The following PXYLP1 variants were observed in gnomAD, a reference collection of about 807,000 sequenced individuals.
PXYLP1 encodes the protein 2-phosphoxylose phosphatase 1.
Under a neutral mutation model 37.9 loss-of-function variants are expected in PXYLP1, and 17 were observed. The ratio of observed to expected loss-of-function variants is 0.45; its 90% CI spans 0.31 to 0.67. The LOEUF (loss-of-function observed/expected upper bound fraction) is 0.67, where lower values mean the gene tolerates loss of function less well. Among genes scored for constraint, PXYLP1 ranks in the 30% least tolerant of loss-of-function variants. The pLI, the probability that PXYLP1 is intolerant of heterozygous loss-of-function variation, is 0.07. For synonymous variants in PXYLP1, 221 were observed against 232.2 expected (o/e 0.95, Z 0.44); for missense variants, 511 against 612.0 (o/e 0.84, Z 1.74).
intron 1 of PXYLP1, among the ~76,000 whole-genome samples, chr3:141,232,768 G>T (rs1940557768): frequency 6.6e-6 from 1 of 152,250 alleles, no homozygotes; most frequent in Non-Finnish European, 1.5e-5. Flanking sequence ...GATGGTAAAG[G>T]ATTCACGGTG....
chr3:141,273,717 G>A (rs1048115467), intron 2 of PXYLP1: 20 of 985,258 alleles, frequency 2.0e-5, no homozygotes, highest in South Asian at 4.7e-5. Flanking sequence ...GAAAGTGATC[G>A]TAGATGAGAT....
At chr3:141,269,215 T>C (rs545257439) in intron 2 of PXYLP1, among the ~76,000 whole-genome samples, 3 of 152,352 alleles carry the variant, frequency 2.0e-5, no homozygotes, top group East Asian at 3.9e-4. Flanking sequence ...TTGCAGACCT[T>C]TGAGACACAG....
Position 141,292,931 on chromosome 3 carries a change from G to T in PXYLP1, c.1169G>T (p.Gly390Val). ...CTGTCACCAGTTCTCAGTGCCTTGGGCCTTTCAGAAGCCAGGTTCCCAAGG... is the reference window on the plus strand; with the variant it reads ...CTGTCACCAGTTCTCAGTGCCTTGGTCCTTTCAGAAGCCAGGTTCCCAAGG... ...VTLSPVLSAL[G>V]LSEARFPRFA... Residue 390 changes from glycine (G) to valine (V), a missense_variant, in exon 6 of 6, where the codon GGC becomes GTC. Coordinates refer to ENST00000286353, the MANE Select transcript of PXYLP1 (RefSeq NM_001037172.3). The surrounding 1 kb of genome is among the most constrained non-coding windows in gnomAD (Gnocchi z 4.3). 6.2e-7 allele frequency: 1 copy of T among 1,614,100 alleles called. No homozygotes were observed. The highest frequency in any genetic ancestry group is 8.5e-7 in the Non-Finnish European group (1 of 1,180,014).
chr3:141,243,795 A>G (rs1383027595), intron 1 of PXYLP1, among the ~76,000 whole-genome samples: 1 of 152,258 alleles, frequency 6.6e-6, no homozygotes, highest in African/African-American at 2.4e-5. Flanking sequence ...ATTCCACATC[A>G]GATTCCATGT....
intron 2 of PXYLP1, among the ~76,000 whole-genome samples, chr3:141,263,732 T>C (rs903286299): frequency 6.6e-6 from 1 of 152,228 alleles, no homozygotes; most frequent in Non-Finnish European, 1.5e-5. Context: ...GAATCATAAT[T>C]TGAATGTCAG....
intron 1 of PXYLP1, among the ~76,000 whole-genome samples, chr3:141,234,654 G>T (rs1940616546): frequency 6.6e-6 from 1 of 152,214 alleles, no homozygotes; most frequent in Admixed American, 6.5e-5. Flanking sequence ...TCTTGGAGGT[G>T]GCTATAACCC....
chr3:141,265,093 A>T (rs968397166), intron 2 of PXYLP1, among the ~76,000 whole-genome samples: 1 of 152,174 alleles, frequency 6.6e-6, no homozygotes, highest in South Asian at 2.1e-4. Context: ...CTCCTGGCCA[A>T]ATGTGCAAAG....
At chr3:141,289,619 C>T (rs529566914) in intron 5 of PXYLP1, among the ~76,000 whole-genome samples, 2 of 152,176 alleles carry the variant, frequency 1.3e-5, no homozygotes, top group South Asian at 4.1e-4. Context: ...GTGACCAGAC[C>T]TCTAGAGACT....
chr3:141,268,102 T>C (rs1161248714), intron 2 of PXYLP1, among the ~76,000 whole-genome samples: 1 of 151,784 alleles, frequency 6.6e-6, no homozygotes, highest in Non-Finnish European at 1.5e-5. Context: ...CTGTCTCTAT[T>C]GACTTGGAAG....
At position 141,279,512 on chromosome 3, in the gene PXYLP1, G is replaced by A; in HGVS notation, c.365+8G>A. The A allele has an allele frequency of 6.2e-7, 1 of 1,614,116 alleles. No individual in the cohort carries two copies. Among genetic ancestry groups the A allele is most frequent in the South Asian group, 1.1e-5 (1 of 91,064 alleles). On this transcript the variant is annotated splice_region_variant and intron_variant, in intron 4 of 5. Coordinates refer to ENST00000286353, the MANE Select transcript of PXYLP1 (RefSeq NM_001037172.3). The stretch of plus-strand genomic sequence containing the variant: ...CACTCTGGTGGCTAACAGGTAAATT[G>A]CACTTTTTCTAAAAGTCATTTTCAA...
intron 1 of PXYLP1, chr3:141,234,223 A>C (rs1385397260): frequency 3.3e-5 from 5 of 152,070 alleles, no homozygotes; most frequent in Admixed American, 1.3e-4. Context: ...CAGTGAGTGC[A>C]ATCTACGGAT....
intron 4 of PXYLP1, among the ~76,000 whole-genome samples, chr3:141,282,658 A>C (rs1941981964): frequency 6.6e-6 from 1 of 152,202 alleles, no homozygotes; most frequent in Admixed American, 6.5e-5. Context: ...GGTGTGATTA[A>C]ATGTTTGTTG....
Position 141,292,800 on chromosome 3 carries a change from C to G in PXYLP1, c.1038C>G (p.Leu346=). 6.2e-7 allele frequency: 1 copy of G among 1,613,572 alleles called. No individual in the cohort carries two copies. The highest frequency in any genetic ancestry group is 8.5e-7 in the Non-Finnish European group (1 of 1,179,736). ...AGAAATTGTACTTCGGGTATTCTCTCCTGGGTGCCCACCCCATCCTGAACC... is the reference window on the plus strand; with the variant it reads ...AGAAATTGTACTTCGGGTATTCTCTGCTGGGTGCCCACCCCATCCTGAACC... The part of the protein sequence containing the change: ...REKKLYFGYS[L]LGAHPILNQT... Residue 346 remains leucine, a synonymous_variant, in exon 6 of 6, where the codon CTC becomes CTG. Coordinates refer to ENST00000286353, the MANE Select transcript of PXYLP1 (RefSeq NM_001037172.3). The surrounding 1 kb of genome is among the most constrained non-coding windows in gnomAD (Gnocchi z 4.3).
rs914150932 is a variant in PXYLP1 at position 141,249,934 on chromosome 3, C to A, written c.-53-10189C>A. Reference sequence around the variant, plus strand: ...TCTGGCCCTGAGAAATGATCAGATGCCTTGACAAGTTTATCCTTTGTAGAG... The same window carrying A: ...TCTGGCCCTGAGAAATGATCAGATGACTTGACAAGTTTATCCTTTGTAGAG... On this transcript the variant is annotated intron_variant, in intron 1 of 5. Coordinates refer to ENST00000286353, the MANE Select transcript of PXYLP1 (RefSeq NM_001037172.3). Among the ~76,000 whole-genome samples the A allele has an allele frequency of 2.0e-5, 3 of 151,854 alleles. No homozygotes were observed. In the East Asian group the frequency reaches 5.8e-4, roughly 29 times the overall value.
chr3:141,257,147 T>G (rs940449837), intron 1 of PXYLP1, among the ~76,000 whole-genome samples: 3 of 152,244 alleles, frequency 2.0e-5, no homozygotes. Context: ...TAGAATTTCC[T>G]GGTGAAGATT....
chr3:141,289,241 T>G (rs1435418575), intron 5 of PXYLP1, among the ~76,000 whole-genome samples: 1 of 151,292 alleles, frequency 6.6e-6, no homozygotes, highest in Non-Finnish European at 1.5e-5. Flanking sequence ...CAGTGAACAT[T>G]AATATTATAC....
intron 2 of PXYLP1, among the ~76,000 whole-genome samples, chr3:141,263,646 C>T (rs887813683): frequency 3.3e-5 from 5 of 152,188 alleles, no homozygotes; most frequent in African/African-American, 1.2e-4. Flanking sequence ...TTTCTTAATG[C>T]TGATTTTATG....
chr3:141,252,056 A>G lies in PXYLP1; in HGVS notation c.-53-8067A>G, dbSNP rs528421268. On this transcript the variant is annotated intron_variant, in intron 1 of 5. Transcript: ENST00000286353. ...TTGTTCTCACTTCATAGATGAGGAAACTGTGGCTCATTATCACGTAGAGCA... is the reference window on the plus strand; with the variant it reads ...TTGTTCTCACTTCATAGATGAGGAAGCTGTGGCTCATTATCACGTAGAGCA... 1.1e-4 allele frequency among the ~76,000 whole-genome samples: 17 copies of G among 152,328 alleles called. No homozygotes were observed. In the East Asian group the frequency reaches 3.3e-3, roughly 29 times the overall value.
At chr3:141,232,249 C>T (rs1345374850) in intron 1 of PXYLP1, 1 of 152,470 alleles carries the variant, frequency 6.6e-6, no homozygotes, top group Non-Finnish European at 1.5e-5. Flanking sequence ...GCTGCGAACC[C>T]CCGGCTCTGT....
Sources: allele counts gnomAD v4.1 joint callset (sites outside exome capture counted in the v4.1 genomes callset), GRCh38; gene constraint gnomAD v4.1.1; non-coding constraint Gnocchi (gnomAD v3.1); transcripts MANE v1.5; gene names NCBI Gene and HGNC (gene_info 2026-07-23, HGNC 2026-07-21).